Variants in UBE2H observed in about 807,000 individuals in gnomAD.
The protein encoded by UBE2H is ubiquitin-conjugating enzyme E2 H.
Under a neutral mutation model 29.0 loss-of-function variants are expected in UBE2H, and 3 were observed. That is an observed-to-expected ratio of 0.10 (90% CI 0.05 to 0.27). The LOEUF (loss-of-function observed/expected upper bound fraction) is 0.27. Among genes scored for constraint, UBE2H ranks in the 10% least tolerant of loss-of-function variants. The pLI, the probability that UBE2H is intolerant of heterozygous loss-of-function variation, is 1.00. For synonymous variants in UBE2H, 69 were observed against 82.9 expected (o/e 0.83, Z 0.91); for missense variants, 68 against 228.2 (o/e 0.30, Z 4.52).
At chr7:129,892,240 C>T (rs1290210573) in intron 1 of UBE2H, among the ~76,000 whole-genome samples, 2 of 148,108 alleles carry the variant, frequency 1.4e-5, no homozygotes, top group Admixed American at 1.4e-4. Context: ...TGAGCCACCG[C>T]ACCCGGCCTC....
chr7:129,921,436 G>A (rs907074890), intron 1 of UBE2H, among the ~76,000 whole-genome samples: 2 of 152,086 alleles, frequency 1.3e-5, no homozygotes, highest in South Asian at 2.1e-4. Flanking sequence ...GGTGGCTCAC[G>A]CCTGTAATCC....
chr7:129,865,979 A>T (rs1267406763), intron 3 of UBE2H, among the ~76,000 whole-genome samples: 1 of 152,178 alleles, frequency 6.6e-6, no homozygotes, highest in Non-Finnish European at 1.5e-5. Context: ...CTAGTGACAG[A>T]CATTGGCCAG....
chr7:129,952,236 A>G (rs1807891849), intron 1 of UBE2H, among the ~76,000 whole-genome samples: 1 of 152,152 alleles, frequency 6.6e-6, no homozygotes, highest in Admixed American at 6.5e-5. Flanking sequence ...CGGGAGTCCA[A>G]ACGTCGCGGA....
At chr7:129,890,358 C>CAT (rs1211473885) in intron 1 of UBE2H, among the ~76,000 whole-genome samples, 6 of 151,168 alleles carry the variant, frequency 4.0e-5, no homozygotes, top group African/African-American at 1.2e-4. Context: ...TGTATATATA[C>CAT]ACATATATAT....
chr7:129,930,779 G>A (rs1040821208), intron 1 of UBE2H, among the ~76,000 whole-genome samples: 3 of 151,638 alleles, frequency 2.0e-5, no homozygotes, highest in East Asian at 2.0e-4. Flanking sequence ...ATGGTGGTAC[G>A]CGCCTGTAGT....
chr7:129,841,689 C>T (rs1805432143), intron 5 of UBE2H, among the ~76,000 whole-genome samples: 1 of 152,284 alleles, frequency 6.6e-6, no homozygotes, highest in African/African-American at 2.4e-5. Flanking sequence ...CTCTGCCTTA[C>T]AACAAAAGCC....
intron 1 of UBE2H, among the ~76,000 whole-genome samples, chr7:129,943,073 C>T (rs1807680943): frequency 6.6e-6 from 1 of 152,124 alleles, no homozygotes; most frequent in South Asian, 2.1e-4. Context: ...GAACTCTTGA[C>T]CTCAGGTGAT....
intron 5 of UBE2H, among the ~76,000 whole-genome samples, chr7:129,849,708 C>T (rs1027497858): frequency 5.3e-5 from 8 of 152,204 alleles, no homozygotes; most frequent in Admixed American, 2.6e-4. Context: ...TCCTGCAGTG[C>T]TGTGGCTCAG....
intron 1 of UBE2H, among the ~76,000 whole-genome samples, chr7:129,908,880 CT>C (rs994790260): frequency 6.6e-5 from 10 of 152,174 alleles, no homozygotes; most frequent in Non-Finnish European, 1.3e-4. Flanking sequence ...ATGATGTTCT[CT>C]ACTGCAGATC....
chr7:129,876,147 T>A (rs1251703240), intron 3 of UBE2H, among the ~76,000 whole-genome samples: 3 of 152,224 alleles, frequency 2.0e-5, no homozygotes, highest in Non-Finnish European at 4.4e-5. Context: ...GCCTTCGTCA[T>A]GTCCAGCAGG....
chr7:129,942,591 T>C (rs1807670146), intron 1 of UBE2H, among the ~76,000 whole-genome samples: 1 of 152,226 alleles, frequency 6.6e-6, no homozygotes, highest in Non-Finnish European at 1.5e-5. Flanking sequence ...TCCTTTCACC[T>C]GAGTTTATTC....
At chr7:129,917,136 G>A (rs1223438140) in intron 1 of UBE2H, among the ~76,000 whole-genome samples, 1 of 151,956 alleles carries the variant, frequency 6.6e-6, no homozygotes, top group Admixed American at 6.5e-5. Flanking sequence ...GGAAGTTGCA[G>A]TGAGCCGAGA....
chr7:129,864,475 T>C (rs78222591), intron 3 of UBE2H, among the ~76,000 whole-genome samples: 9,484 of 152,164 alleles, frequency 0.062, 369 homozygotes, highest in Non-Finnish European at 0.091. Flanking sequence ...TATGGCAACA[T>C]AAGTAGAAGT....
chr7:129,902,290 G>A (rs1563040405), intron 1 of UBE2H, among the ~76,000 whole-genome samples: 1 of 152,166 alleles, frequency 6.6e-6, no homozygotes, highest in Non-Finnish European at 1.5e-5. Context: ...CCTGAGGTCA[G>A]GAGTTCAAGA....
Position 129,833,756 on chromosome 7 carries a change from A to G in UBE2H, c.*1181T>C, listed in dbSNP as rs184728432. ...ATTTGTTCCAATTATTATTTGTTTT[A>G]AATTTAGAACCTGTGTTGGGTCTAA... On this transcript the variant is annotated 3_prime_UTR_variant, in exon 7 of 7. Transcript: ENST00000355621. 2 of 152,180 alleles carry G rather than the reference A, an allele frequency of 1.3e-5. No homozygotes were observed. Among genetic ancestry groups the G allele is most frequent in the East Asian group, 3.9e-4 (2 of 5,174 alleles). 9.4% of individuals were successfully genotyped at this position (152,180 alleles called of 1,614,324 possible). A position where few individuals can be genotyped will look rare whatever the true frequency, so the allele number is the denominator to read the frequency against.
At position 129,952,633 on chromosome 7, in the gene UBE2H, C is replaced by T; in HGVS notation, c.-78G>A. The T allele has an allele frequency of 6.5e-7, 1 of 1,539,798 alleles. No individual in the cohort carries two copies. ...GCCCCGGCTCTGAGGAGCCCGCGGC[C>T]GCGCCGGCTCCTCGGTGGAGGTGGC... On this transcript the variant is annotated 5_prime_UTR_variant, in exon 1 of 7. Coordinates refer to ENST00000355621, the MANE Select transcript of UBE2H (RefSeq NM_003344.4).
At chr7:129,939,461 AAAAGGGTAGT>A (rs1280537149) in intron 1 of UBE2H, among the ~76,000 whole-genome samples, 2 of 152,216 alleles carry the variant, frequency 1.3e-5, no homozygotes, top group Non-Finnish European at 1.5e-5. Flanking sequence ...CAAGAATAGC[AAAAGGGTAGT>A]AAACATCCAG....
intron 1 of UBE2H, among the ~76,000 whole-genome samples, chr7:129,898,805 T>C (rs901116024): frequency 8.1e-6 from 1 of 123,564 alleles, no homozygotes; most frequent in African/African-American, 3.0e-5. Context: ...AAGTGTTGAG[T>C]TGCAGGCCTT....
chr7:129,926,577 T>C (rs1807275502), intron 1 of UBE2H, among the ~76,000 whole-genome samples: 1 of 151,764 alleles, frequency 6.6e-6, no homozygotes, highest in Non-Finnish European at 1.5e-5. Context: ...CCTGAGTCGC[T>C]GAAATTACAG....
Sources: allele counts gnomAD v4.1 joint callset (sites outside exome capture counted in the v4.1 genomes callset), GRCh38; gene constraint gnomAD v4.1.1; transcripts MANE v1.5; gene names NCBI Gene and HGNC (gene_info 2026-07-23, HGNC 2026-07-21).